Variants in PDE1A observed in about 807,000 individuals in gnomAD.
PDE1A encodes the protein dual specificity calcium/calmodulin-dependent 3',5'-cyclic nucleotide phosphodiesterase 1A.
In PDE1A, 35 loss-of-function variants were observed where a neutral mutation model predicts 61.7. That is an observed-to-expected ratio of 0.57 (90% CI 0.43 to 0.75). The LOEUF (loss-of-function observed/expected upper bound fraction) is 0.75, where lower values mean the gene tolerates loss of function less well. Among genes scored for constraint, PDE1A ranks in the 30% least tolerant of loss-of-function variants. The pLI, the probability that PDE1A is intolerant of heterozygous loss-of-function variation, is 0.00. For missense variants in PDE1A, 597 were observed against 630.6 expected (o/e 0.95, Z 0.57); for synonymous variants, 232 against 213.2 (o/e 1.09, Z -0.77).
intron 11 of PDE1A, 99 bp from the exon 12 acceptor site, chr2:182,186,687 G>A: frequency 2.5e-6 from 3 of 1,211,496 alleles, no homozygotes; most frequent in Non-Finnish European, 3.5e-6. Context: ...GACAATCCTG[G>A]GATAGCAAGA....
At chr2:182,408,601 G>A (rs751508290) in intron 1 of PDE1A, among the ~76,000 whole-genome samples, 3 of 152,202 alleles carry the variant, frequency 2.0e-5, no homozygotes, top group Non-Finnish European at 4.4e-5. Context: ...AAATGAAGAC[G>A]TTAATTTTTT....
chr2:182,656,807 A>G, the PDE1A span, among the ~76,000 whole-genome samples: 24,554 of 152,214 alleles, frequency 0.16, 2,692 homozygotes, highest in African/African-American at 0.31. Context: ...CATACAATAG[A>G]TCCTGAAAAC....
At chr2:182,417,623 T>C (rs1365459515) in intron 1 of PDE1A, among the ~76,000 whole-genome samples, 1 of 152,166 alleles carries the variant, frequency 6.6e-6, no homozygotes, top group Non-Finnish European at 1.5e-5. Flanking sequence ...AGATTTTTCA[T>C]GAAAAATGAA....
chr2:182,590,141 T>C, the PDE1A span, among the ~76,000 whole-genome samples: 77 of 152,314 alleles, frequency 5.1e-4, no homozygotes, highest in Non-Finnish European at 9.1e-4. Flanking sequence ...CACCTTGATA[T>C]AGCTCACAAC....
the PDE1A span, among the ~76,000 whole-genome samples, chr2:182,685,428 CT>C: frequency 1.3e-3 from 203 of 152,124 alleles, 1 homozygote; most frequent in Non-Finnish European, 2.6e-4. Context: ...GTTGACTATT[CT>C]TTAATTATTT....
chr2:182,558,737 C>T, the PDE1A span, among the ~76,000 whole-genome samples: 131 of 152,268 alleles, frequency 8.6e-4, no homozygotes, highest in African/African-American at 3.0e-3. Flanking sequence ...AATAAATGTG[C>T]TTTCCATTTC....
At chr2:182,644,919 A>C in the PDE1A span, among the ~76,000 whole-genome samples, 1 of 152,166 alleles carries the variant, frequency 6.6e-6, no homozygotes, top group Non-Finnish European at 1.5e-5. Context: ...TTCAATTTTG[A>C]AAAGTATAGT....
chr2:182,516,683 A>AG (rs1690171925), intron 2 of PDE1A, among the ~76,000 whole-genome samples: 3 of 130,992 alleles, frequency 2.3e-5, no homozygotes, highest in African/African-American at 6.0e-5. Context: ...GAAGGAGGGA[A>AG]GGAGGGAAGG....
chr2:182,408,089 A>G (rs928348127), intron 1 of PDE1A, among the ~76,000 whole-genome samples: 2 of 149,556 alleles, frequency 1.3e-5, no homozygotes, highest in African/African-American at 4.9e-5. Flanking sequence ...GGGAGATCTT[A>G]CCCCACTGCC....
At chr2:182,347,056 G>A (rs1698561307) in intron 1 of PDE1A, among the ~76,000 whole-genome samples, 1 of 152,082 alleles carries the variant, frequency 6.6e-6, no homozygotes, top group Non-Finnish European at 1.5e-5. Flanking sequence ...AGGTCTATAA[G>A]ACAGACCCGA....
chr2:182,646,868 T>C, the PDE1A span, among the ~76,000 whole-genome samples: 1 of 152,022 alleles, frequency 6.6e-6, no homozygotes, highest in African/African-American at 2.4e-5. Flanking sequence ...CCTACACAGA[T>C]GGTGTCAAGA....
the PDE1A span, among the ~76,000 whole-genome samples, chr2:182,677,471 C>T: frequency 6.6e-6 from 1 of 152,150 alleles, no homozygotes; most frequent in African/African-American, 2.4e-5. Flanking sequence ...ATTAAAATGG[C>T]CATTCTGCCC....
At chr2:182,570,018 G>C in the PDE1A span, among the ~76,000 whole-genome samples, 1 of 152,274 alleles carries the variant, frequency 6.6e-6, no homozygotes, top group South Asian at 2.1e-4. Context: ...CCTGTGCTGT[G>C]TTCCCAATCA....
At chr2:182,691,250 G>A in the PDE1A span, among the ~76,000 whole-genome samples, 2 of 152,150 alleles carry the variant, frequency 1.3e-5, no homozygotes, top group African/African-American at 4.8e-5. Context: ...GAACAAAGCT[G>A]GACGCATCAC....
At chr2:182,648,000 A>C in the PDE1A span, among the ~76,000 whole-genome samples, 1 of 152,178 alleles carries the variant, frequency 6.6e-6, no homozygotes, top group Non-Finnish European at 1.5e-5. Flanking sequence ...TTCCTCTAGA[A>C]AGCTGATTTT....
intron 8 of PDE1A, 29 bp from the exon 9 acceptor site, chr2:182,201,818 C>A: frequency 7.2e-7 from 1 of 1,383,180 alleles, no homozygotes; most frequent in South Asian, 1.2e-5. Context: ...GAGAAAGGTT[C>A]ATTCAGCCAT....
At chr2:182,322,318 A>C (rs1348401044) in intron 1 of PDE1A, among the ~76,000 whole-genome samples, 1 of 152,080 alleles carries the variant, frequency 6.6e-6, no homozygotes, top group Non-Finnish European at 1.5e-5. Context: ...TCTCATCTCG[A>C]ATTGTAGCTC....
In PDE1A at chr2:182,367,254, A is replaced by C. The variant is rs188490716; in HGVS notation, c.53+59324T>G. Among the ~76,000 whole-genome samples the C allele has an allele frequency of 1.2e-4, 18 of 152,132 alleles. No individual in the cohort carries two copies. The East Asian group carries it at 3.5e-3, about 29-fold the overall frequency. ...CTTTTAGGAAAACTATTTCTTATTG[A>C]ATTATTGCTAATTGTTGGAACTATT... On this transcript the variant is annotated intron_variant, in intron 1 of 13. Transcript: ENST00000351439.
At chr2:182,374,588 A>G (rs1181804231) in intron 1 of PDE1A, among the ~76,000 whole-genome samples, 1 of 152,216 alleles carries the variant, frequency 6.6e-6, no homozygotes, top group African/African-American at 2.4e-5. Context: ...TATATCTGAC[A>G]TAAGTCTTAC....
Sources: allele counts gnomAD v4.1 joint callset (sites outside exome capture counted in the v4.1 genomes callset), GRCh38; gene constraint gnomAD v4.1.1; transcripts MANE v1.5; gene names NCBI Gene and HGNC (gene_info 2026-07-23, HGNC 2026-07-21).